The following GKAP1 variants were observed in gnomAD, a reference collection of about 807,000 sequenced individuals.
The protein encoded by GKAP1 is G kinase-anchoring protein 1.
A neutral mutation model predicts 56.7 loss-of-function variants in GKAP1; 31 were observed. The observed-to-expected ratio is 0.55, with a 90% CI of 0.41 to 0.74. The LOEUF is 0.74. Ranked by LOEUF, GKAP1 falls within the 30% of genes least tolerant of loss-of-function variation. The pLI, the probability that GKAP1 is intolerant of heterozygous loss-of-function variation, is 0.00. For missense variants in GKAP1, 364 were observed against 402.3 expected, an observed-to-expected ratio of 0.90 and a Z score of 0.82; for synonymous variants, 151 against 138.6, an observed-to-expected ratio of 1.09 and a Z score of -0.63.
At chr9:83,787,429 G>A (rs1944084522) in intron 5 of GKAP1, among the ~76,000 whole-genome samples, 1 of 152,072 alleles carries the variant, frequency 6.6e-6, no homozygotes, top group African/African-American at 2.4e-5. Flanking sequence ...TAGAGACAGT[G>A]TCTTGCTGTG....
At chr9:83,748,797 T>A in intron 9 of GKAP1, 1 of 152,478 alleles carries the variant, frequency 6.6e-6, no homozygotes, top group South Asian at 2.1e-4. Context: ...CACTGTCCAA[T>A]ATGCGACTAC....
chr9:83,763,259 A>G (rs1258619506), intron 8 of GKAP1, among the ~76,000 whole-genome samples: 1 of 152,206 alleles, frequency 6.6e-6, no homozygotes, highest in African/African-American at 2.4e-5. Flanking sequence ...GGAGTTACAA[A>G]GTAGAAGGAT....
At chr9:83,799,041 AC>A in intron 4 of GKAP1, 143 bp downstream of exon 4, 1 of 683,866 alleles carries the variant, frequency 1.5e-6, no homozygotes, top group Non-Finnish European at 2.5e-6. Context: ...CAAAAACAGA[AC>A]CTCTTATTAA....
At chr9:83,762,516 T>C (rs1943591091) in intron 8 of GKAP1, among the ~76,000 whole-genome samples, 1 of 152,130 alleles carries the variant, frequency 6.6e-6, no homozygotes, top group Non-Finnish European at 1.5e-5. Context: ...CCTATTAAAA[T>C]ACCAATGACA....
At chr9:83,804,384 C>T (rs1404026877) in intron 3 of GKAP1, among the ~76,000 whole-genome samples, 9 of 134,864 alleles carry the variant, frequency 6.7e-5, no homozygotes, top group South Asian at 2.4e-4. Flanking sequence ...CCGCCCCGTC[C>T]GGGAGGGAGG....
At chr9:83,763,835 C>A (rs1943615816) in intron 8 of GKAP1, among the ~76,000 whole-genome samples, 1 of 152,144 alleles carries the variant, frequency 6.6e-6, no homozygotes, top group East Asian at 1.9e-4. Flanking sequence ...GTAATTTCAT[C>A]CCAATGTAAT....
intron 9 of GKAP1, among the ~76,000 whole-genome samples, chr9:83,751,756 T>C (rs1216506953): frequency 1.4e-5 from 2 of 145,280 alleles, no homozygotes; most frequent in African/African-American, 2.6e-5. Context: ...ATTTAAAAAA[T>C]AGATTAAAAA....
intron 4 of GKAP1, among the ~76,000 whole-genome samples, chr9:83,797,600 T>C (rs1287831966): frequency 1.3e-5 from 2 of 152,172 alleles, no homozygotes; most frequent in Admixed American, 1.3e-4. Context: ...CCATCAGTAG[T>C]ATACTCAGCA....
chr9:83,739,757 A>T lies in GKAP1; in HGVS notation c.1054-13T>A. The T allele has an allele frequency of 2.5e-6, 4 of 1,605,276 alleles. No homozygotes were observed. The highest frequency in any genetic ancestry group is 3.4e-6 in the Non-Finnish European group (4 of 1,175,958). Reference sequence around the variant, plus strand: ...CTTTTCTGCCACCCTGTAAAAAAAAAAAAAAATAGGGAAAATTATTTACAA... The same window carrying T: ...CTTTTCTGCCACCCTGTAAAAAAAATAAAAAATAGGGAAAATTATTTACAA... On this transcript the variant is annotated splice_polypyrimidine_tract_variant and intron_variant, in intron 12 of 12. Transcript: ENST00000376371.
At chr9:83,756,195 T>C (rs886178260) in intron 8 of GKAP1, among the ~76,000 whole-genome samples, 2 of 151,768 alleles carry the variant, frequency 1.3e-5, no homozygotes, top group Admixed American at 6.6e-5. Context: ...AGAATTAATG[T>C]CCCAGGCACA....
At chr9:83,816,866 C>T (rs1944612802) in intron 2 of GKAP1, 130 bp downstream of exon 2, 1 of 152,120 alleles carries the variant, frequency 6.6e-6, no homozygotes, top group Non-Finnish European at 1.5e-5. Context: ...ATTTATGAAG[C>T]ACCTTAATGC....
intron 6 of GKAP1, among the ~76,000 whole-genome samples, chr9:83,783,605 C>G (rs1721645060): frequency 6.6e-6 from 1 of 152,136 alleles, no homozygotes; most frequent in South Asian, 2.1e-4. Flanking sequence ...ACAAATGATA[C>G]TATAAACACT....
At chr9:83,767,823 A>AT (rs768237954) in intron 8 of GKAP1, among the ~76,000 whole-genome samples, 14 of 152,212 alleles carry the variant, frequency 9.2e-5, no homozygotes, top group Admixed American at 3.3e-4. Flanking sequence ...CGTAGCTGAG[A>AT]TTATAGGCAT....
At chr9:83,761,099 T>C (rs988479626) in intron 8 of GKAP1, among the ~76,000 whole-genome samples, 2 of 149,732 alleles carry the variant, frequency 1.3e-5, no homozygotes, top group African/African-American at 4.9e-5. Context: ...AGTTGATTTT[T>C]TGAAAAATTA....
chr9:83,772,605 TC>T lies in GKAP1; in HGVS notation c.586-3636del, dbSNP rs1943781070. 5.3e-5 allele frequency among the ~76,000 whole-genome samples: 8 copies of T among 151,894 alleles called. No homozygotes were observed. The South Asian group carries it at 1.7e-3, about 32-fold the overall frequency. ...ACACAATTAAAAAACCAAAAAGACA[TC>T]CCCAAAATATGTACATCTATTTTGT... On this transcript the variant is annotated intron_variant, in intron 7 of 12. Coordinates refer to ENST00000376371, the MANE Select transcript of GKAP1 (RefSeq NM_025211.4).
At chr9:83,801,249 G>T (rs968489102) in intron 3 of GKAP1, among the ~76,000 whole-genome samples, 2 of 152,160 alleles carry the variant, frequency 1.3e-5, no homozygotes, top group Non-Finnish European at 2.9e-5. Flanking sequence ...ATTGACAGCT[G>T]CCACCCAGAA....
intron 6 of GKAP1, among the ~76,000 whole-genome samples, chr9:83,781,742 T>A (rs1943975301): frequency 6.6e-6 from 1 of 152,186 alleles, no homozygotes; most frequent in African/African-American, 2.4e-5. Context: ...ACTGATGTTT[T>A]TCTCAAATTT....
At chr9:83,756,254 A>T (rs1019029423) in intron 8 of GKAP1, among the ~76,000 whole-genome samples, 4 of 151,972 alleles carry the variant, frequency 2.6e-5, no homozygotes, top group Non-Finnish European at 5.9e-5. Context: ...AGGTGAGCAG[A>T]TCACCAGAGG....
chr9:83,792,357 G>C (rs969963634), intron 4 of GKAP1, among the ~76,000 whole-genome samples: 1 of 152,166 alleles, frequency 6.6e-6, no homozygotes. Flanking sequence ...GCAGAAAAAA[G>C]AGGAATGCTA....
Sources: allele counts gnomAD v4.1 joint callset (sites outside exome capture counted in the v4.1 genomes callset), GRCh38; gene constraint gnomAD v4.1.1; transcripts MANE v1.5; gene names NCBI Gene and HGNC (gene_info 2026-07-23, HGNC 2026-07-21).